HM13: variants seen among roughly 807,000 people sequenced by gnomAD.
The protein encoded by HM13 is signal peptide peptidase.
HM13 carries 18 observed loss-of-function variants against 50.0 expected under a neutral mutation model. The ratio of observed to expected loss-of-function variants is 0.36; its 90% CI spans 0.25 to 0.53. The LOEUF (loss-of-function observed/expected upper bound fraction) is 0.53. Ranked by LOEUF, HM13 falls within the 20% of genes least tolerant of loss-of-function variation. The pLI, the probability that HM13 is intolerant of heterozygous loss-of-function variation, is 0.90. For synonymous variants in HM13, 197 were observed against 232.6 expected (o/e 0.85, Z 1.39); for missense variants, 393 against 552.4 (o/e 0.71, Z 2.89).
chr20:31,561,334 C>G (rs1984597084), intron 9 of HM13, among the ~76,000 whole-genome samples: 1 of 152,174 alleles, frequency 6.6e-6, no homozygotes, highest in African/African-American at 2.4e-5. Flanking sequence ...TTTATGCTGA[C>G]TAAAGTCTTA....
At chr20:31,545,204 C>T (rs571994155) in intron 4 of HM13, among the ~76,000 whole-genome samples, 169 bp downstream of exon 4, 2 of 152,170 alleles carry the variant, frequency 1.3e-5, no homozygotes, top group Non-Finnish European at 2.9e-5. Flanking sequence ...ACATGGGACC[C>T]TGGGTGAACG....
In HM13 at chr20:31,556,563, A is replaced by G. The variant is rs138631716; in HGVS notation, c.808+1734A>G. ...GCTCAGAAGTAAAGGGAATGATACA[A>G]ATTCACACACTAGTAAGCAACAGGG... On this transcript the variant is annotated intron_variant, in intron 8 of 12. Coordinates refer to ENST00000398174, the MANE Select transcript of HM13 (RefSeq NM_178581.3). Among the ~76,000 whole-genome samples the G allele has an allele frequency of 4.4e-3, 669 of 152,276 alleles. 3 individuals are homozygous for G. The highest frequency in any genetic ancestry group is 0.014 in the African/African-American group (592 of 41,562).
chr20:31,547,837 A>G (rs1314110798), intron 4 of HM13: 4 of 932,948 alleles, frequency 4.3e-6, no homozygotes, highest in South Asian at 2.6e-5. Flanking sequence ...CGCAAATATT[A>G]TGTGTCCAGG....
chr20:31,549,372 G>C lies in HM13; in HGVS notation c.666+40G>C, dbSNP rs749319575. On this transcript the variant is annotated intron_variant, in intron 6 of 12. Transcript: ENST00000398174. Reference sequence around the variant, plus strand: ...GATGCCAAGGATGTCTGGCTCCGGGGCCATCTCATCTCATCACCCTGCCTC... The same window carrying C: ...GATGCCAAGGATGTCTGGCTCCGGGCCCATCTCATCTCATCACCCTGCCTC... 4 of 1,612,732 alleles carry C rather than the reference G, an allele frequency of 2.5e-6. No individual in the cohort carries two copies. In the Admixed American group the frequency reaches 6.7e-5, roughly 27 times the overall value.
chr20:31,547,509 CAAG>C, intron 4 of HM13: 1 of 729,110 alleles, frequency 1.4e-6, no homozygotes, highest in East Asian at 2.7e-5. Flanking sequence ...GGATCATGTT[CAAG>C]AAGTTTGATG....
rs544611835 is a variant in HM13, at chr20:31,527,624, C to T, written c.282+42C>T. On this transcript the variant is annotated intron_variant, in intron 2 of 12. Coordinates refer to ENST00000398174, the MANE Select transcript of HM13 (RefSeq NM_178581.3). ...CTGTTGTGTCATTTGATCTAAATGA[C>T]TTTATCTTATTTTGTTTTATTTTTC... 2.7e-5 allele frequency: 36 copies of T among 1,327,714 alleles called. No individual in the cohort carries two copies. In the East Asian group the frequency reaches 7.9e-4, roughly 29 times the overall value. 82.2% of individuals were successfully genotyped at this position (1,327,714 alleles called of 1,614,324 possible).
At chr20:31,562,173 C>T (rs1057158984) in intron 10 of HM13, among the ~76,000 whole-genome samples, 1 of 152,144 alleles carries the variant, frequency 6.6e-6, no homozygotes, top group African/African-American at 2.4e-5. Context: ...CCCCTACTCC[C>T]TAGTAGACCA....
At chr20:31,534,038 C>T (rs1482061318) in intron 2 of HM13, among the ~76,000 whole-genome samples, 1 of 151,988 alleles carries the variant, frequency 6.6e-6, no homozygotes, top group Non-Finnish European at 1.5e-5. Flanking sequence ...CACCACCACG[C>T]CCGCCTAATT....
intron 11 of HM13, among the ~76,000 whole-genome samples, chr20:31,567,326 TG>T (rs2122673496): frequency 6.6e-6 from 1 of 152,198 alleles, no homozygotes; most frequent in East Asian, 1.9e-4. Context: ...CCCCTCCCCT[TG>T]GGGTAACCAC....
chr20:31,558,727 G>A (rs1984449732), intron 8 of HM13, among the ~76,000 whole-genome samples: 1 of 151,782 alleles, frequency 6.6e-6, no homozygotes, highest in African/African-American at 2.4e-5. Flanking sequence ...CTCATTTTGG[G>A]GTTTTTTGTA....
At chr20:31,565,658 C>T (rs900175028) in intron 10 of HM13, among the ~76,000 whole-genome samples, 4 of 152,106 alleles carry the variant, frequency 2.6e-5, no homozygotes, top group African/African-American at 7.2e-5. Flanking sequence ...TGAACAGGGT[C>T]TTAGTATAAC....
chr20:31,566,310 G>C lies in HM13; in HGVS notation c.1034+15G>C, dbSNP rs1457100966. On this transcript the variant is annotated intron_variant, in intron 11 of 12. Transcript: ENST00000398174. ...GAGATGTTCAGGTAAGGCAGAGTGG[G>C]GGGCAGATGTCCTCATGGGCACCAG... 3 of 1,605,614 alleles carry C rather than the reference G, an allele frequency of 1.9e-6. No individual in the cohort carries two copies. The East Asian group carries it at 6.7e-5, about 36-fold the overall frequency.
At chr20:31,548,029 C>T (rs1983820292) in intron 4 of HM13, 1 of 1,587,236 alleles carries the variant, frequency 6.3e-7, no homozygotes, top group Non-Finnish European at 8.7e-7. Context: ...TGGGCTGTGG[C>T]ACATGAAGAC....
intron 1 of HM13, among the ~76,000 whole-genome samples, chr20:31,526,992 C>T (rs2122558096): frequency 6.6e-6 from 1 of 152,318 alleles, no homozygotes; most frequent in Middle Eastern, 3.4e-3. Flanking sequence ...ATGTGTCACA[C>T]ATGCCCTGGG....
intron 1 of HM13, among the ~76,000 whole-genome samples, chr20:31,521,740 A>AC (rs1982173497): frequency 6.6e-6 from 1 of 151,648 alleles, no homozygotes; most frequent in African/African-American, 2.4e-5. Flanking sequence ...AAAAAAAAAA[A>AC]AAAAAGTACC....
intron 8 of HM13, among the ~76,000 whole-genome samples, chr20:31,555,509 G>T (rs1330443542): frequency 6.6e-6 from 1 of 152,184 alleles, no homozygotes; most frequent in Admixed American, 6.5e-5. Flanking sequence ...TGGGGCAGGA[G>T]CAGCTCAAAC....
At chr20:31,537,658 G>A (rs1983190713) in intron 2 of HM13, among the ~76,000 whole-genome samples, 1 of 152,198 alleles carries the variant, frequency 6.6e-6, no homozygotes, top group Admixed American at 6.5e-5. Flanking sequence ...AGCTGTCAGG[G>A]ATGCTGTCAT....
chr20:31,569,150 G>A lies in HM13; in HGVS notation c.1212G>A (p.Ala404=), dbSNP rs768086888. ...IYEESNPKDP[A]AVTESKEGTE... is the part of the protein sequence containing the mutation. ...AGGAGTCAAATCCTAAGGATCCAGC[G>A]GCAGTGACAGAATCCAAAGAGGGAA... Residue 404 remains alanine (A), a synonymous_variant, in exon 13 of 13, where the codon GCG becomes GCA. Transcript: ENST00000398174. The A allele has an allele frequency of 3.1e-5, 49 of 1,594,108 alleles. No homozygotes were observed. Among genetic ancestry groups the A allele is most frequent in the East Asian group, 2.0e-4 (9 of 44,432 alleles).
chr20:31,536,768 T>C (rs1373330968), intron 2 of HM13, among the ~76,000 whole-genome samples: 1 of 152,170 alleles, frequency 6.6e-6, no homozygotes, highest in African/African-American at 2.4e-5. Context: ...TTTATGACGC[T>C]CCTCCTATGT....
Sources: allele counts gnomAD v4.1 joint callset (sites outside exome capture counted in the v4.1 genomes callset), GRCh38; gene constraint gnomAD v4.1.1; transcripts MANE v1.5; gene names NCBI Gene and HGNC (gene_info 2026-07-23, HGNC 2026-07-21).